WDFY3: variants seen among roughly 807,000 people sequenced by gnomAD.
The protein encoded by WDFY3 is WD repeat and FYVE domain-containing protein 3.
In WDFY3, 66 loss-of-function variants were observed where a neutral mutation model predicts 409.6. The observed-to-expected ratio is 0.16, with a 90% CI of 0.13 to 0.20. The LOEUF is 0.20. Among genes scored for constraint, WDFY3 ranks in the 10% least tolerant of loss-of-function variants. WDFY3 has a pLI of 1.00. For synonymous variants in WDFY3, 1,521 were observed against 1,537.1 expected, an observed-to-expected ratio of 0.99 and a Z score of 0.25; for missense variants, 3,031 against 4,298.1, an observed-to-expected ratio of 0.71 and a Z score of 8.24.
At chr4:84,852,551 C>CT in intron 4 of WDFY3, among the ~76,000 whole-genome samples, 1 of 152,288 alleles carries the variant, frequency 6.6e-6, no homozygotes, top group Non-Finnish European at 1.5e-5. Flanking sequence ...TAAATAAATT[C>CT]TACAAGGGTA....
chr4:84,909,522 A>C lies in WDFY3; in HGVS notation c.-131-12512T>G, dbSNP rs145735964. On this transcript the variant is annotated intron_variant, in intron 2 of 67. Coordinates refer to ENST00000295888, the MANE Select transcript of WDFY3 (RefSeq NM_014991.6). The stretch of plus-strand genomic sequence containing the variant: ...TCTGTTTGCTGTTGCAGTCTGAAGG[A>C]ACACAAGATTAATTAGATACTTGTA... Among the ~76,000 whole-genome samples, 1,345 of 152,236 alleles carry C rather than the reference A, an allele frequency of 8.8e-3. 19 individuals are homozygous for C. The highest frequency in any genetic ancestry group is 0.031 in the African/African-American group (1,282 of 41,572).
At position 84,678,274 on chromosome 4, in the gene WDFY3, G is replaced by T. The variant is rs1362501848; in HGVS notation, c.10153C>A (p.Arg3385=). ...CTGAACACCAGCTGCCGTTCCCATC[G>T]GTACCCTGGAATGGAGAAGTGGAGG... The part of the protein sequence containing the change: ...RNYSRLKPGY[R]WERQLVFRSK... Residue 3385 remains arginine (R), a synonymous_variant, in exon 66 of 68, where the codon CGA becomes AGA. Transcript: ENST00000295888. 1 of 1,613,076 alleles carries T rather than the reference G, an allele frequency of 6.2e-7. No homozygotes were observed. Among genetic ancestry groups the T allele is most frequent in the East Asian group, 2.2e-5 (1 of 44,860 alleles).
At position 84,774,960 on chromosome 4, in the gene WDFY3, T is replaced by G; in HGVS notation, c.4614A>C (p.Lys1538Asn). The part of the protein sequence containing the change: ...TESSEASKNA[K>N]LMREFQLIPK... ...GGATTAACTGGAATTCTCTCATTAA[T>G]TTGGCATTCTTTGAGGCTTCACTAT... is the stretch of plus-strand genomic sequence containing the variant. The change falls in exon 29 of 68, where the codon AAA (lysine) becomes AAC (asparagine). Residue 1538 changes from lysine (K) to asparagine (N), a missense_variant. Physicochemically the swap from Lys to Asn is moderately conservative, Grantham distance 94. Around this residue, in one of 16 missense-constraint regions of WDFY3, gnomAD observed 342 missense variants for 463.7 expected, o/e 0.74. Transcript: ENST00000295888. 6.2e-7 allele frequency: 1 copy of G among 1,613,886 alleles called. No homozygotes were observed.
chr4:84,735,286 G>C (rs978884701), intron 42 of WDFY3, among the ~76,000 whole-genome samples, 166 bp from the exon 43 acceptor site: 1 of 152,172 alleles, frequency 6.6e-6, no homozygotes, highest in African/African-American at 2.4e-5. Flanking sequence ...TTGTGTGATG[G>C]ACACAGATCT....
intron 3 of WDFY3, among the ~76,000 whole-genome samples, chr4:84,887,224 G>T (rs1194358042): frequency 6.6e-6 from 1 of 152,142 alleles, no homozygotes; most frequent in African/African-American, 2.4e-5. Flanking sequence ...AGGAAGGCTG[G>T]GGAAAAGTAC....
intron 4 of WDFY3, among the ~76,000 whole-genome samples, chr4:84,854,258 G>A (rs982031771): frequency 2.0e-5 from 3 of 152,110 alleles, no homozygotes; most frequent in African/African-American, 7.2e-5. Context: ...ATTCTGGGGT[G>A]TACAGGAATG....
intron 2 of WDFY3, among the ~76,000 whole-genome samples, chr4:84,918,182 G>A (rs183292703): frequency 2.0e-4 from 30 of 152,194 alleles, no homozygotes; most frequent in East Asian, 5.8e-4. Flanking sequence ...TTACCACTTC[G>A]ACCTAGTAAT....
intron 19 of WDFY3, among the ~76,000 whole-genome samples, chr4:84,795,999 T>C (rs1195141977): frequency 2.0e-5 from 3 of 152,036 alleles, no homozygotes; most frequent in Non-Finnish European, 4.4e-5. Context: ...ATTTGAAGGA[T>C]AGATGATGAT....
chr4:84,670,823 G>A lies in WDFY3; in HGVS notation c.*2045C>T, dbSNP rs1371845169. Reference sequence around the variant, plus strand: ...ACAGTTACATAATAGCACAATTTCTGCAACTGTTGAACATCAGCATTATTT... The same window carrying A: ...ACAGTTACATAATAGCACAATTTCTACAACTGTTGAACATCAGCATTATTT... On this transcript the variant is annotated 3_prime_UTR_variant, in exon 68 of 68. Transcript: ENST00000295888. 2 of 152,452 alleles carry A rather than the reference G, an allele frequency of 1.3e-5. No individual in the cohort carries two copies. The highest frequency in any genetic ancestry group is 4.8e-5 in the African/African-American group (2 of 41,412). The allele number at this position is 152,452 out of a possible 1,614,324, so 9.4% of individuals were successfully genotyped here. A position where few individuals can be genotyped will look rare whatever the true frequency, so the allele number is the denominator to read the frequency against.
At chr4:84,784,891 T>TACAC (rs1215135327) in intron 24 of WDFY3, among the ~76,000 whole-genome samples, 431 of 36,886 alleles carry the variant, frequency 0.012, 10 homozygotes, top group African/African-American at 0.032. Context: ...TATATATATA[T>TACAC]ACACACACAC....
chr4:84,844,536 C>T, intron 5 of WDFY3: 1 of 1,289,194 alleles, frequency 7.8e-7, no homozygotes, highest in Non-Finnish European at 1.0e-6. Flanking sequence ...GCTGGGTTGT[C>T]TAAGTAGGGA....
intron 1 of WDFY3, among the ~76,000 whole-genome samples, chr4:84,945,727 T>G (rs1488595241): frequency 1.3e-5 from 2 of 152,144 alleles, no homozygotes; most frequent in Non-Finnish European, 2.9e-5. Flanking sequence ...ACACTGGATG[T>G]GGGAACGTGG....
chr4:84,738,527 G>A (rs529465630), intron 40 of WDFY3, among the ~76,000 whole-genome samples: 180 of 150,960 alleles, frequency 1.2e-3, no homozygotes, highest in Non-Finnish European at 2.2e-3. Flanking sequence ...ACTTGAACCC[G>A]AAAGGTAAAG....
chr4:84,839,874 GA>G (rs527948065), intron 6 of WDFY3, among the ~76,000 whole-genome samples: 18 of 141,720 alleles, frequency 1.3e-4, no homozygotes, highest in East Asian at 4.1e-4. Context: ...AAAAAAGAAA[GA>G]AAAAAAAAAG....
chr4:84,747,597 T>C (rs1396121372), intron 36 of WDFY3, among the ~76,000 whole-genome samples: 2 of 152,112 alleles, frequency 1.3e-5, no homozygotes, highest in African/African-American at 4.8e-5. Context: ...TCATCTTGAA[T>C]TGTAGCTCCC....
chr4:84,902,160 C>T (rs1359537916), intron 2 of WDFY3, among the ~76,000 whole-genome samples: 1 of 152,154 alleles, frequency 6.6e-6, no homozygotes, highest in African/African-American at 2.4e-5. Context: ...AAATACTGTG[C>T]CACATATGTT....
At chr4:84,848,120 A>G (rs561005024) in intron 5 of WDFY3, among the ~76,000 whole-genome samples, 1 of 152,148 alleles carries the variant, frequency 6.6e-6, no homozygotes, top group South Asian at 2.1e-4. Context: ...CTTTGCCCAA[A>G]TTAAAGGATA....
chr4:84,891,334 A>G (rs1764917617), intron 3 of WDFY3, among the ~76,000 whole-genome samples: 2 of 152,216 alleles, frequency 1.3e-5, no homozygotes, highest in South Asian at 4.1e-4. Flanking sequence ...ACTGATTCAT[A>G]GTGCTACATA....
chr4:84,914,743 T>C (rs1394295584), intron 2 of WDFY3, among the ~76,000 whole-genome samples: 7 of 152,184 alleles, frequency 4.6e-5, no homozygotes, highest in Middle Eastern at 3.4e-3. Flanking sequence ...GCTAGAAAAA[T>C]GCAAAATGGT....
Sources: allele counts gnomAD v4.1 joint callset (sites outside exome capture counted in the v4.1 genomes callset), GRCh38; gene constraint gnomAD v4.1.1; regional missense constraint gnomAD v4.1.1; transcripts MANE v1.5; gene names NCBI Gene and HGNC (gene_info 2026-07-23, HGNC 2026-07-21).